Variants in CNTNAP2 observed in about 807,000 individuals in gnomAD.
The protein encoded by CNTNAP2 is contactin associated protein 2, also known as contactin-associated protein-like 2.
CNTNAP2 carries 98 observed loss-of-function variants against 155.2 expected under a neutral mutation model. The observed-to-expected ratio is 0.63, with a 90% CI of 0.54 to 0.75. The LOEUF (loss-of-function observed/expected upper bound fraction) is 0.75, where lower values mean the gene tolerates loss of function less well. CNTNAP2 is among the 30% of genes least tolerant of loss of function. The pLI is 0.00. For missense variants in CNTNAP2, 1,727 were observed against 1,688.1 expected (o/e 1.02, Z -0.40); for synonymous variants, 651 against 631.2 (o/e 1.03, Z -0.47).
At chr7:146,322,454 A>T (rs57350968) in intron 1 of CNTNAP2, among the ~76,000 whole-genome samples, 3,053 of 152,164 alleles carry the variant, frequency 0.02, 118 homozygotes, top group African/African-American at 0.07. Context: ...GCAGTTATCT[A>T]AATGTTCAGG....
At chr7:147,153,684 T>C (rs1801869306) in intron 8 of CNTNAP2, among the ~76,000 whole-genome samples, 1 of 152,170 alleles carries the variant, frequency 6.6e-6, no homozygotes, top group Non-Finnish European at 1.5e-5. Flanking sequence ...GAACAGCGCA[T>C]GTAAGGCTGA....
intron 1 of CNTNAP2, among the ~76,000 whole-genome samples, chr7:146,341,738 C>T (rs892098539): frequency 2.0e-5 from 3 of 151,980 alleles, no homozygotes; most frequent in Non-Finnish European, 4.4e-5. Flanking sequence ...AAAAAAACCC[C>T]TGAAAAACAA....
intron 3 of CNTNAP2, among the ~76,000 whole-genome samples, chr7:146,844,852 T>G (rs1319799235): frequency 6.6e-6 from 1 of 152,182 alleles, no homozygotes; most frequent in African/African-American, 2.4e-5. Context: ...TTGATCCATT[T>G]TGTTAATTTT....
chr7:146,861,691 C>A (rs1308885488), intron 3 of CNTNAP2, among the ~76,000 whole-genome samples: 1 of 152,112 alleles, frequency 6.6e-6, no homozygotes, highest in Non-Finnish European at 1.5e-5. Flanking sequence ...ACATAAACTG[C>A]TTCTCAGTAT....
In CNTNAP2 at chr7:148,416,294, G is replaced by C. The variant is rs2717809; in HGVS notation, c.*678G>C. ...GACACAATCAGCACAACTGGAGAGA[G>C]GCATTAAAGAACCAGGGAAGGTAGT... is the stretch of plus-strand genomic sequence containing the variant. On this transcript the variant is annotated 3_prime_UTR_variant, in exon 24 of 24. Transcript: ENST00000361727. 2,102 of 152,466 alleles carry C rather than the reference G, an allele frequency of 0.014. 22 individuals carry two copies. The highest frequency in any genetic ancestry group is 0.022 in the Non-Finnish European group (1,523 of 68,200). 9.4% of individuals were successfully genotyped at this position (152,466 alleles called of 1,614,324 possible).
intron 11 of CNTNAP2, among the ~76,000 whole-genome samples, chr7:147,498,207 G>A (rs1488728541): frequency 6.6e-6 from 1 of 151,494 alleles, no homozygotes; most frequent in African/African-American, 2.4e-5. Context: ...TCTCTTCTCA[G>A]CTGACCATGT....
At position 147,519,637 on chromosome 7, in the gene CNTNAP2, C is replaced by T. The variant is rs140094435; in HGVS notation, c.1777+33596C>T. On this transcript the variant is annotated intron_variant, in intron 11 of 23. Coordinates refer to ENST00000361727, the MANE Select transcript of CNTNAP2 (RefSeq NM_014141.6). ...CAGCACTTTGGGAGGCCAAGGTGGGCGGATTGCTTGAGGTCAGGAGTTGGA... is the reference window on the plus strand; with the variant it reads ...CAGCACTTTGGGAGGCCAAGGTGGGTGGATTGCTTGAGGTCAGGAGTTGGA... 2.5e-3 allele frequency among the ~76,000 whole-genome samples: 380 copies of T among 152,258 alleles called. 4 individuals are homozygous for T. Among genetic ancestry groups the T allele is most frequent in the African/African-American group, 7.2e-3 (301 of 41,574 alleles).
chr7:147,850,028 A>G (rs1433678690), intron 13 of CNTNAP2: 1 of 152,218 alleles, frequency 6.6e-6, no homozygotes, highest in African/African-American at 2.4e-5. Context: ...GCACAGCTTA[A>G]TTATATGTAT....
chr7:147,006,053 C>T (rs1798518207), intron 3 of CNTNAP2, among the ~76,000 whole-genome samples: 2 of 152,062 alleles, frequency 1.3e-5, no homozygotes, highest in African/African-American at 2.4e-5. Flanking sequence ...TGGAAAAAGA[C>T]AGATTAACAA....
intron 13 of CNTNAP2, among the ~76,000 whole-genome samples, chr7:147,730,852 C>T (rs1233306472): frequency 6.6e-6 from 1 of 152,138 alleles, no homozygotes; most frequent in Non-Finnish European, 1.5e-5. Context: ...GAAAGTGCTA[C>T]TCCAGTGAAA....
chr7:148,046,237 T>C (rs1162515250), intron 15 of CNTNAP2, among the ~76,000 whole-genome samples: 1 of 152,192 alleles, frequency 6.6e-6, no homozygotes, highest in Non-Finnish European at 1.5e-5. Flanking sequence ...TGAGCCATTG[T>C]GCCCAGCCAG....
chr7:148,269,358 A>G (rs1796732960), intron 21 of CNTNAP2, among the ~76,000 whole-genome samples: 2 of 152,326 alleles, frequency 1.3e-5, no homozygotes, highest in Non-Finnish European at 1.5e-5. Context: ...CCTCACCCTG[A>G]TGTCCTTATC....
At chr7:147,535,323 C>T (rs1009482902) in intron 11 of CNTNAP2, among the ~76,000 whole-genome samples, 2 of 152,034 alleles carry the variant, frequency 1.3e-5, no homozygotes, top group African/African-American at 2.4e-5. Flanking sequence ...ACCCAGGAGG[C>T]GGAGCTTGCA....
At chr7:146,581,410 T>C (rs1798608968) in intron 1 of CNTNAP2, among the ~76,000 whole-genome samples, 1 of 152,094 alleles carries the variant, frequency 6.6e-6, no homozygotes, top group Admixed American at 6.6e-5. Flanking sequence ...AAATGATAAA[T>C]TATAATAGCA....
At chr7:146,522,202 A>G (rs1256967763) in intron 1 of CNTNAP2, among the ~76,000 whole-genome samples, 3 of 151,920 alleles carry the variant, frequency 2.0e-5, no homozygotes, top group Admixed American at 1.3e-4. Context: ...TCCATGTTTT[A>G]TTTTCTGGGA....
chr7:147,712,164 A>G (rs978311127), intron 13 of CNTNAP2, among the ~76,000 whole-genome samples: 2 of 152,180 alleles, frequency 1.3e-5, no homozygotes, highest in African/African-American at 4.8e-5. Flanking sequence ...ATCGCTGGCC[A>G]TCAGAGAAAT....
intron 1 of CNTNAP2, among the ~76,000 whole-genome samples, chr7:146,762,590 C>T (rs2129184207): frequency 6.6e-6 from 1 of 152,236 alleles, no homozygotes; most frequent in Middle Eastern, 3.4e-3. Context: ...CAGAACAAGA[C>T]TCCATCTAGG....
intron 9 of CNTNAP2, among the ~76,000 whole-genome samples, chr7:147,329,729 T>TG (rs58196153): frequency 4.8e-5 from 5 of 104,438 alleles, no homozygotes; most frequent in African/African-American, 1.2e-4. Context: ...TATATCTCAA[T>TG]TTTTTTTTTC....
chr7:147,542,353 C>A (rs1451930218), intron 11 of CNTNAP2, among the ~76,000 whole-genome samples: 1 of 151,270 alleles, frequency 6.6e-6, no homozygotes, highest in Non-Finnish European at 1.5e-5. Flanking sequence ...AGAGTTTGTA[C>A]TGGACAGCAG....
Sources: gnomAD v4.1 joint callset for allele counts (sites outside exome capture counted in the v4.1 genomes callset) on GRCh38, gnomAD v4.1.1 for gene constraint, MANE v1.5 for transcripts, NCBI Gene and HGNC (gene_info 2026-07-23, HGNC 2026-07-21) for gene names.